The following RPS6KA6 variants were observed in gnomAD, a reference collection of about 807,000 sequenced individuals.
The protein encoded by RPS6KA6 is ribosomal protein S6 kinase A6, also known as ribosomal protein S6 kinase alpha-6.
Under a neutral mutation model 65.4 loss-of-function variants are expected in RPS6KA6, and 27 were observed. The observed-to-expected ratio is 0.41, with a 90% CI of 0.30 to 0.57. The LOEUF is 0.57. RPS6KA6 is among the 20% of genes least tolerant of loss of function. RPS6KA6 has a pLI of 0.24. For missense variants in RPS6KA6, 486 were observed against 555.6 expected (o/e 0.87, Z 1.26); for synonymous variants, 190 against 184.2 (o/e 1.03, Z -0.26).
intron 1 of RPS6KA6, among the ~76,000 whole-genome samples, chrX:84,166,788 A>G (rs1468492567): frequency 1.8e-5 from 2 of 111,461 alleles, no homozygotes; most frequent in Non-Finnish European, 3.8e-5. Context: ...GTCATAACTA[A>G]AGGGTACAAT....
At chrX:84,071,979 C>A (rs190112336) in intron 20 of RPS6KA6, among the ~76,000 whole-genome samples, 1 of 111,810 alleles carries the variant, frequency 8.9e-6, no homozygotes, top group Admixed American at 9.5e-5. Context: ...TCATCTGATG[C>A]CTTCACTGCT....
rs927539047 is a variant in RPS6KA6, at chrX:84,060,934, T to C, written c.*3343A>G. ...AATAAGATAGCTTTCCTTTCACCTTTTTAGCTGGAAATGTCTGTTCTGATA... is the reference window on the plus strand; with the variant it reads ...AATAAGATAGCTTTCCTTTCACCTTCTTAGCTGGAAATGTCTGTTCTGATA... On this transcript the variant is annotated 3_prime_UTR_variant, in exon 22 of 22. Coordinates refer to ENST00000262752, the MANE Select transcript of RPS6KA6 (RefSeq NM_014496.5). The C allele has an allele frequency of 6.2e-5, 7 of 112,261 alleles. No homozygotes were observed. In the Admixed American group the frequency reaches 6.6e-4, roughly 11 times the overall value. The allele number at this position is 112,261 out of a possible 1,213,427, so 9.3% of individuals were successfully genotyped here.
At chrX:84,169,389 G>A (rs1276968610) in intron 1 of RPS6KA6, among the ~76,000 whole-genome samples, 6 of 106,322 alleles carry the variant, frequency 5.6e-5, no homozygotes, top group Non-Finnish European at 1.2e-4. Flanking sequence ...TACTATTATT[G>A]ACCAAAGCAA....
At chrX:84,103,625 A>G (rs970547252) in intron 17 of RPS6KA6, among the ~76,000 whole-genome samples, 3 of 111,371 alleles carry the variant, frequency 2.7e-5, no homozygotes, top group Non-Finnish European at 3.8e-5. Context: ...TCATACAATA[A>G]TAAAGAAGAG....
intron 20 of RPS6KA6, among the ~76,000 whole-genome samples, chrX:84,090,052 AG>A (rs1271197163): frequency 8.9e-6 from 1 of 112,466 alleles, no homozygotes; most frequent in Non-Finnish European, 1.9e-5. Flanking sequence ...TCCAAATTAA[AG>A]TTTGGAAAAT....
intron 8 of RPS6KA6, among the ~76,000 whole-genome samples, chrX:84,128,931 T>G (rs1481963366): frequency 8.9e-6 from 1 of 112,084 alleles, no homozygotes; most frequent in African/African-American, 3.2e-5. Context: ...CATATTGGAC[T>G]GGGCAAAGAT....
At chrX:84,140,752 A>AAT (rs1234456817) in intron 6 of RPS6KA6, among the ~76,000 whole-genome samples, 1 of 95,954 alleles carries the variant, frequency 1.0e-5, no homozygotes, top group Non-Finnish European at 2.1e-5. Flanking sequence ...AAAAAAAAAA[A>AAT]ACATACATAT....
At chrX:84,133,868 A>G in intron 8 of RPS6KA6, among the ~76,000 whole-genome samples, 1 of 111,976 alleles carries the variant, frequency 8.9e-6, no homozygotes, top group East Asian at 2.8e-4. Flanking sequence ...TGAATCAATA[A>G]GAGTCACTAA....
chrX:84,106,425 G>A lies in RPS6KA6; in HGVS notation c.1305C>T (p.Gly435=). 8.5e-7 allele frequency: 1 copy of A among 1,177,123 alleles called. No homozygotes were observed. Among genetic ancestry groups the A allele is most frequent in the Non-Finnish European group, 1.2e-6 (1 of 867,247 alleles). ...VYELKEDIGV[G]SYSVCKRCIH... is the part of the protein sequence containing the mutation. ...TGCATCGCTTGCAAACAGAGTAGGA[G>A]CCAACACCAATATCCTCCTTCAATT... The change falls in exon 15 of 22, where the codon GGC becomes GGT. Residue 435 remains glycine, a synonymous_variant. Transcript: ENST00000262752.
intron 6 of RPS6KA6, among the ~76,000 whole-genome samples, chrX:84,136,165 T>A (rs1004730648): frequency 9.0e-6 from 1 of 111,654 alleles, no homozygotes; most frequent in Non-Finnish European, 1.9e-5. Flanking sequence ...TAATCAGCCA[T>A]TAGATGTAAT....
Position 84,058,854 on chromosome X carries a change from A to G in RPS6KA6, c.*5423T>C, listed in dbSNP as rs1188321057. On this transcript the variant is annotated 3_prime_UTR_variant, in exon 22 of 22. Transcript: ENST00000262752. ...TATCAGAAATAAGTTTAGGAATTCA[A>G]AAGTGCTTGGGATGTGTTGGCAAAC... 3 of 110,738 alleles carry G rather than the reference A, an allele frequency of 2.7e-5. No homozygotes were observed. The East Asian group carries it at 8.5e-4, about 31-fold the overall frequency. The allele number at this position is 110,738 out of a possible 1,213,427, so 9.1% of individuals were successfully genotyped here.
At chrX:84,136,054 A>G (rs2034985950) in intron 6 of RPS6KA6, among the ~76,000 whole-genome samples, 1 of 111,445 alleles carries the variant, frequency 9.0e-6, no homozygotes, top group African/African-American at 3.2e-5. Context: ...AGCTTTGTAA[A>G]CTTTAAAAAA....
chrX:84,095,713 C>G (rs1487596684), intron 20 of RPS6KA6, among the ~76,000 whole-genome samples: 2 of 111,166 alleles, frequency 1.8e-5, no homozygotes, highest in African/African-American at 6.5e-5. Flanking sequence ...AGTGTATTTG[C>G]CTTGCATTAT....
At chrX:84,181,230 T>C (rs1164820518) in intron 1 of RPS6KA6, among the ~76,000 whole-genome samples, 1 of 111,889 alleles carries the variant, frequency 8.9e-6, no homozygotes, top group Non-Finnish European at 1.9e-5. Flanking sequence ...GTTAGAGATG[T>C]AATGGGATAT....
chrX:84,079,492 G>A (rs1181503125), intron 20 of RPS6KA6, among the ~76,000 whole-genome samples: 1 of 109,791 alleles, frequency 9.1e-6, no homozygotes, highest in Non-Finnish European at 1.9e-5. Flanking sequence ...CACTCCCCTG[G>A]AAAGGGGGCT....
At position 84,156,130 on chromosome X, in the gene RPS6KA6, G is replaced by A. The variant is rs1335765459; in HGVS notation, c.203C>T (p.Ala68Val). The A allele has an allele frequency of 8.3e-7, 1 of 1,200,000 alleles. No individual in the cohort carries two copies. Among genetic ancestry groups the A allele is most frequent in the East Asian group, 3.0e-5 (1 of 33,734 alleles). The change falls in exon 3 of 22, where the codon GCA (alanine) becomes GTA (valine). Residue 68 changes from alanine to valine, a missense_variant. By Grantham distance (64) the Ala-to-Val change is moderately conservative (BLOSUM62 0). Coordinates refer to ENST00000262752, the MANE Select transcript of RPS6KA6 (RefSeq NM_014496.5). Reference sequence around the variant, plus strand: ...GAGCAACTCAAACTGTGCAGGATCTGCTTTCTCATAGCCTTCCTTAACATG... The same window carrying A: ...GAGCAACTCAAACTGTGCAGGATCTACTTTCTCATAGCCTTCCTTAACATG... ...THHVKEGYEK[A>V]DPAQFELLKV...
chrX:84,182,059 TCTCTCACACACACA>T (rs767619114), intron 1 of RPS6KA6, among the ~76,000 whole-genome samples: 7 of 75,527 alleles, frequency 9.3e-5, no homozygotes, highest in East Asian at 6.5e-4. Flanking sequence ...TCTCTCTCTC[TCTCTCACACACACA>T]CACACACACA....
chrX:84,141,335 G>T (rs2035098814), intron 6 of RPS6KA6, among the ~76,000 whole-genome samples: 2 of 108,465 alleles, frequency 1.8e-5, no homozygotes, highest in Non-Finnish European at 3.8e-5. Flanking sequence ...AAATCCTAAG[G>T]TAACTATTAA....
rs2033322487 is a variant in RPS6KA6, at chrX:84,062,854, C to CACTT, written c.*1419_*1422dup. Reference sequence around the variant, plus strand: ...GTACACCTAACACGCACAAGTAGTTCACTTATATTCACTAAAGAAAACTGT... The same window carrying CACTT: ...GTACACCTAACACGCACAAGTAGTTCACTTACTTATATTCACTAAAGAAAACTGT... On this transcript the variant is annotated 3_prime_UTR_variant, in exon 22 of 22. Coordinates refer to ENST00000262752, the MANE Select transcript of RPS6KA6 (RefSeq NM_014496.5). The CACTT allele has an allele frequency of 1.8e-5, 2 of 110,714 alleles. No homozygotes were observed. The highest frequency in any genetic ancestry group is 6.5e-5 in the African/African-American group (2 of 30,558). 9.1% of individuals were successfully genotyped at this position (110,714 alleles called of 1,213,427 possible). A position where few individuals can be genotyped will look rare whatever the true frequency, so the allele number is the denominator to read the frequency against.
Sources: gnomAD v4.1 joint callset for allele counts (sites outside exome capture counted in the v4.1 genomes callset) on GRCh38, gnomAD v4.1.1 for gene constraint, MANE v1.5 for transcripts, NCBI Gene and HGNC (gene_info 2026-07-23, HGNC 2026-07-21) for gene names.